The following CACNG3 variants were observed in gnomAD, a reference collection of about 807,000 sequenced individuals.
CACNG3 encodes the protein voltage-dependent calcium channel gamma-3 subunit.
In CACNG3, 3 loss-of-function variants were observed where a neutral mutation model predicts 28.5. That is an observed-to-expected ratio of 0.11 (90% CI 0.05 to 0.27). The LOEUF is 0.27. Among genes scored for constraint, CACNG3 ranks in the 10% least tolerant of loss-of-function variants. The pLI is 1.00. For synonymous variants in CACNG3, 174 were observed against 162.2 expected (o/e 1.07, Z -0.55); for missense variants, 236 against 414.4 (o/e 0.57, Z 3.74).
intron 1 of CACNG3, among the ~76,000 whole-genome samples, chr16:24,282,186 A>G (rs1210768114): frequency 6.6e-6 from 1 of 152,184 alleles, no homozygotes; most frequent in Non-Finnish European, 1.5e-5. Flanking sequence ...CCATGAGGAA[A>G]TGGAGGTTCA....
In CACNG3 at chr16:24,256,892, T is replaced by A; in HGVS notation, c.138T>A (p.Ser46Arg). 6.2e-7 allele frequency: 1 copy of A among 1,613,754 alleles called. No homozygotes were observed. The highest frequency in any genetic ancestry group is 8.5e-7 in the Non-Finnish European group (1 of 1,179,764). ...SRGVCRTKSTSDNETSRKNEE... is the reference protein window; with the variant it reads ...SRGVCRTKSTRDNETSRKNEE... ...GTGTGTGCAGGACTAAATCTACAAG[T>A]GATAATGAAACCAGCAGGAAGAATG... is the stretch of plus-strand genomic sequence containing the variant. The change falls in exon 1 of 4, where the codon AGT becomes AGA. Residue 46 changes from serine (S) to arginine (R), a missense_variant. Physicochemically the swap from Ser to Arg is moderately radical, Grantham distance 110 (BLOSUM62 -1). This residue lies in a region of CACNG3 where 120 missense variants were observed against 263.4 expected (regional missense o/e 0.46). Transcript: ENST00000005284. This position sits in a 1 kb window ranked among gnomAD's most constrained non-coding sequence, Gnocchi z 4.6.
At chr16:24,344,658 C>T (rs1899837235) in intron 1 of CACNG3, among the ~76,000 whole-genome samples, 1 of 152,190 alleles carries the variant, frequency 6.6e-6, no homozygotes, top group African/African-American at 2.4e-5. Context: ...CTCTCCTGAA[C>T]CTCCTTCCTG....
At chr16:24,340,550 T>C (rs1049824456) in intron 1 of CACNG3, among the ~76,000 whole-genome samples, 1 of 152,048 alleles carries the variant, frequency 6.6e-6, no homozygotes, top group East Asian at 1.9e-4. Flanking sequence ...ACATGTCAAC[T>C]AAAAAGGAAC....
At chr16:24,287,449 C>T (rs1228867875) in intron 1 of CACNG3, among the ~76,000 whole-genome samples, 1 of 131,110 alleles carries the variant, frequency 7.6e-6, no homozygotes, top group East Asian at 2.5e-4. Flanking sequence ...ACCCAAGAGG[C>T]GGAGGTTGCA....
At chr16:24,312,948 A>AAAGG in intron 1 of CACNG3, among the ~76,000 whole-genome samples, 1 of 86,720 alleles carries the variant, frequency 1.2e-5, no homozygotes, top group Non-Finnish European at 2.3e-5. Flanking sequence ...AGAAAGAAAG[A>AAAGG]AAGAAAGAGA....
In CACNG3 at chr16:24,323,982, G is replaced by T. The variant is rs561977760; in HGVS notation, c.212-22752G>T. Reference sequence around the variant, plus strand: ...GGGGTTTCACCATGTTGACCAGGCTGGTCTCGAATTCCTGACCTCAGGAAC... The same window carrying T: ...GGGGTTTCACCATGTTGACCAGGCTTGTCTCGAATTCCTGACCTCAGGAAC... On this transcript the variant is annotated intron_variant, in intron 1 of 3. Transcript: ENST00000005284. 4.6e-5 allele frequency among the ~76,000 whole-genome samples: 7 copies of T among 152,268 alleles called. No homozygotes were observed. In the East Asian group the frequency reaches 1.4e-3, roughly 29 times the overall value.
At chr16:24,301,147 G>C (rs575543834) in intron 1 of CACNG3, among the ~76,000 whole-genome samples, 1 of 150,904 alleles carries the variant, frequency 6.6e-6, no homozygotes, top group African/African-American at 2.4e-5. Flanking sequence ...GGAGGCAGAG[G>C]TTGCTGTGAA....
chr16:24,305,368 A>T (rs544427521), intron 1 of CACNG3, among the ~76,000 whole-genome samples: 1 of 133,424 alleles, frequency 7.5e-6, no homozygotes, highest in Non-Finnish European at 1.7e-5. Flanking sequence ...GTGTGTGTGT[A>T]GACAGGTTTA....
intron 1 of CACNG3, among the ~76,000 whole-genome samples, chr16:24,331,937 C>A (rs955018093): frequency 1.3e-5 from 2 of 152,356 alleles, no homozygotes; most frequent in East Asian, 3.9e-4. Context: ...TGTCCTCCCC[C>A]ACCCCAATCA....
chr16:24,274,635 A>G (rs1361442407), intron 1 of CACNG3, among the ~76,000 whole-genome samples: 1 of 152,158 alleles, frequency 6.6e-6, no homozygotes, highest in Non-Finnish European at 1.5e-5. Flanking sequence ...ATGGCATATG[A>G]TGACAAATCT....
chr16:24,319,709 C>A (rs1899431945), intron 1 of CACNG3, among the ~76,000 whole-genome samples: 1 of 152,136 alleles, frequency 6.6e-6, no homozygotes, highest in Non-Finnish European at 1.5e-5. Flanking sequence ...CTGCCTCAGC[C>A]TCCCAGAATT....
chr16:24,314,471 C>A (rs1899319124), intron 1 of CACNG3, among the ~76,000 whole-genome samples: 1 of 152,130 alleles, frequency 6.6e-6, no homozygotes, highest in African/African-American at 2.4e-5. Context: ...ACCTTTCTCC[C>A]AATGCACCTT....
intron 1 of CACNG3, among the ~76,000 whole-genome samples, chr16:24,318,044 G>A (rs1899410601): frequency 6.6e-6 from 1 of 152,178 alleles, no homozygotes; most frequent in Admixed American, 6.5e-5. Flanking sequence ...CACTGTGACA[G>A]GCTATCCTGC....
At chr16:24,360,452 C>G (rs1173938895) in intron 3 of CACNG3, among the ~76,000 whole-genome samples, 1 of 152,184 alleles carries the variant, frequency 6.6e-6, no homozygotes, top group Non-Finnish European at 1.5e-5. Flanking sequence ...CAGCTTCCTG[C>G]TCCCCAAGTC....
chr16:24,281,594 G>T (rs1038019634), intron 1 of CACNG3, among the ~76,000 whole-genome samples: 1 of 152,124 alleles, frequency 6.6e-6, no homozygotes, highest in Admixed American at 6.6e-5. Flanking sequence ...GCTTCAATTA[G>T]GTCATATGTC....
chr16:24,293,963 C>T (rs767404670), intron 1 of CACNG3, among the ~76,000 whole-genome samples: 54 of 152,160 alleles, frequency 3.5e-4, no homozygotes, highest in Non-Finnish European at 7.5e-4. Context: ...TTCCAGTCCC[C>T]TTGCTTTTCG....
rs779398247 is a variant in CACNG3, at chr16:24,346,813, C to A, written c.291C>A (p.Leu97=). 116 of 1,613,616 alleles carry A rather than the reference C, an allele frequency of 7.2e-5. 1 individual carries two copies. The Middle Eastern group carries it at 3.1e-3, about 44-fold the overall frequency. ...ADYEQDTAEY[L]LRAVRASSVF... is the part of the protein sequence containing the mutation. ...ACGAACAGGACACAGCCGAATATCT[C>A]CTGCGTAAGTTCCCCGGCTTCTCGG... is the stretch of plus-strand genomic sequence containing the variant. Residue 97 remains leucine, a synonymous_variant, in exon 2 of 4, where the codon CTC becomes CTA. Coordinates refer to ENST00000005284, the MANE Select transcript of CACNG3 (RefSeq NM_006539.4).
intron 1 of CACNG3, among the ~76,000 whole-genome samples, chr16:24,315,212 T>C (rs1899331913): frequency 6.6e-6 from 1 of 152,154 alleles, no homozygotes; most frequent in Admixed American, 6.6e-5. Context: ...GGCCATAGTG[T>C]CCTACTGCCA....
At position 24,291,244 on chromosome 16, in the gene CACNG3, G is replaced by T. The variant is rs1898962813; in HGVS notation, c.211+34279G>T. On this transcript the variant is annotated intron_variant, in intron 1 of 3. Transcript: ENST00000005284. ...TGCTTGTTGTTGTTGATTACACACT[G>T]TGAGTCATCACTGCTGGTCTGGCTT... 2.0e-5 allele frequency among the ~76,000 whole-genome samples: 3 copies of T among 152,184 alleles called. No individual in the cohort carries two copies. The South Asian group carries it at 6.2e-4, about 32-fold the overall frequency.
Sources: gnomAD v4.1 joint callset for allele counts (sites outside exome capture counted in the v4.1 genomes callset) on GRCh38, gnomAD v4.1.1 for gene constraint, gnomAD v4.1.1 regional missense constraint, Gnocchi (gnomAD v3.1) non-coding constraint, MANE v1.5 for transcripts, NCBI Gene and HGNC (gene_info 2026-07-23, HGNC 2026-07-21) for gene names.